The following HDAC9 variants were observed in gnomAD, a reference collection of about 807,000 sequenced individuals.
The protein encoded by HDAC9 is histone deacetylase 9.
HDAC9 carries 41 observed loss-of-function variants against 139.4 expected under a neutral mutation model. That is an observed-to-expected ratio of 0.29 (90% CI 0.23 to 0.38). The LOEUF is 0.38. Among genes scored for constraint, HDAC9 ranks in the 10% least tolerant of loss-of-function variants. The pLI is 1.00. For missense variants in HDAC9, 1,147 were observed against 1,297.0 expected (o/e 0.88, Z 1.78); for synonymous variants, 517 against 476.2 (o/e 1.09, Z -1.12).
At chr7:18,702,957 T>C (rs1240349983) in intron 12 of HDAC9, among the ~76,000 whole-genome samples, 1 of 152,242 alleles carries the variant, frequency 6.6e-6, no homozygotes, top group Non-Finnish European at 1.5e-5. Flanking sequence ...TCCATTTGAA[T>C]GACAATTGTG....
intron 1 of HDAC9, among the ~76,000 whole-genome samples, chr7:18,471,909 GA>G (rs913671691): frequency 0.012 from 1,773 of 149,280 alleles, 30 homozygotes; most frequent in African/African-American, 0.041. Flanking sequence ...GTGCCTTTAA[GA>G]AAAAAAAAAC....
intron 16 of HDAC9, among the ~76,000 whole-genome samples, chr7:18,779,263 C>G (rs926040628): frequency 6.6e-6 from 1 of 152,076 alleles, no homozygotes. Context: ...TTTCAAGACT[C>G]TCAGGGTTTC....
At chr7:18,969,465 C>G (rs961838687) in intron 24 of HDAC9, among the ~76,000 whole-genome samples, 6 of 152,136 alleles carry the variant, frequency 3.9e-5, no homozygotes, top group African/African-American at 1.4e-4. Context: ...ATGACAAAAT[C>G]CAATAGCCAA....
intron 2 of HDAC9, among the ~76,000 whole-genome samples, chr7:18,564,930 A>T (rs1399243150): frequency 6.6e-6 from 1 of 151,570 alleles, no homozygotes; most frequent in Non-Finnish European, 1.5e-5. Flanking sequence ...TCATATTTCA[A>T]ATGCCTAAGC....
intron 2 of HDAC9, among the ~76,000 whole-genome samples, chr7:18,236,715 T>A (rs1793842341): frequency 1.3e-5 from 2 of 152,078 alleles, no homozygotes; most frequent in Admixed American, 1.3e-4. Flanking sequence ...TTCATACACT[T>A]GGCCGAATTA....
At chr7:18,598,702 T>C (rs1833129355) in intron 6 of HDAC9, among the ~76,000 whole-genome samples, 1 of 152,234 alleles carries the variant, frequency 6.6e-6, no homozygotes, top group African/African-American at 2.4e-5. Context: ...TAAATCTCTT[T>C]TTGTTGTAGA....
At chr7:18,207,273 TTAATAA>T (rs1477200533) in intron 2 of HDAC9, among the ~76,000 whole-genome samples, 6 of 152,100 alleles carry the variant, frequency 3.9e-5, no homozygotes, top group South Asian at 4.1e-4. Context: ...CATGTTCAAC[TTAATAA>T]TAATAAAATG....
chr7:18,686,737 A>G (rs1190088068), intron 12 of HDAC9, among the ~76,000 whole-genome samples: 2 of 151,820 alleles, frequency 1.3e-5, no homozygotes, highest in Non-Finnish European at 2.9e-5. Flanking sequence ...ACATTTATAC[A>G]AAACTTTTTC....
chr7:18,361,857 T>C (rs1403253956), intron 1 of HDAC9, among the ~76,000 whole-genome samples: 2 of 152,214 alleles, frequency 1.3e-5, no homozygotes, highest in East Asian at 3.8e-4. Flanking sequence ...AACTAATTAC[T>C]GATACACTCA....
chr7:18,832,069 C>G (rs3852257), intron 19 of HDAC9, among the ~76,000 whole-genome samples: 2 of 151,990 alleles, frequency 1.3e-5, no homozygotes, highest in Admixed American at 1.3e-4. Context: ...ATGTTCCTTT[C>G]TGAGGCAGAT....
intron 2 of HDAC9, among the ~76,000 whole-genome samples, chr7:18,529,761 C>G (rs1808223207): frequency 6.6e-6 from 1 of 152,058 alleles, no homozygotes; most frequent in Non-Finnish European, 1.5e-5. Flanking sequence ...ATTGGATTCA[C>G]CAATGTTTAA....
At position 18,919,897 on chromosome 7, in the gene HDAC9, T is replaced by A. The variant is rs377729418; in HGVS notation, c.2804-15912T>A. Among the ~76,000 whole-genome samples, 46 of 152,254 alleles carry A rather than the reference T, an allele frequency of 3.0e-4. 1 individual carries two copies. In the South Asian group the frequency reaches 9.3e-3, roughly 31 times the overall value. On this transcript the variant is annotated intron_variant, in intron 22 of 25. Coordinates refer to ENST00000686413, the MANE Select transcript of HDAC9 (RefSeq NM_178425.4). ...CAGTACCATGCTGTTTTAGTTACTG[T>A]AGCCTTGTAGTATAGTTTGAAGTCA...
chr7:18,868,560 G>A (rs900750586), intron 21 of HDAC9, among the ~76,000 whole-genome samples: 3 of 152,146 alleles, frequency 2.0e-5, no homozygotes, highest in East Asian at 3.8e-4. Context: ...CCTCAGTGGA[G>A]TATATGGTGT....
chr7:18,503,859 A>G (rs762131623), intron 2 of HDAC9, among the ~76,000 whole-genome samples: 1 of 152,198 alleles, frequency 6.6e-6, no homozygotes, highest in African/African-American at 2.4e-5. Context: ...TGCTTGAGGT[A>G]CATTTTGGTG....
At chr7:18,883,952 A>G (rs7782319) in intron 22 of HDAC9, among the ~76,000 whole-genome samples, 78,036 of 151,920 alleles carry the variant, frequency 0.51, 21,224 homozygotes, top group African/African-American at 0.71. Flanking sequence ...AGCTACAAAA[A>G]GGAAAAAATG....
At chr7:18,155,759 AC>A (rs1206804191) in intron 1 of HDAC9, among the ~76,000 whole-genome samples, 3 of 152,182 alleles carry the variant, frequency 2.0e-5, no homozygotes, top group African/African-American at 7.2e-5. Flanking sequence ...AAGTCAGCAA[AC>A]CTTTGGCAGT....
chr7:18,547,694 A>G (rs1815457534), intron 2 of HDAC9, among the ~76,000 whole-genome samples: 1 of 152,166 alleles, frequency 6.6e-6, no homozygotes, highest in Non-Finnish European at 1.5e-5. Context: ...AATGCTTCTC[A>G]AACCCTGCTT....
At chr7:18,731,257 TA>T (rs1186227838) in intron 13 of HDAC9, among the ~76,000 whole-genome samples, 5 of 152,092 alleles carry the variant, frequency 3.3e-5, no homozygotes, top group African/African-American at 9.6e-5. Context: ...ATTTTTTTTT[TA>T]AAATAAACTC....
At chr7:18,809,498 AAAAC>A (rs1322174665) in intron 17 of HDAC9, among the ~76,000 whole-genome samples, 3 of 152,062 alleles carry the variant, frequency 2.0e-5, no homozygotes, top group Non-Finnish European at 2.9e-5. Flanking sequence ...GGCAAAAACA[AAAAC>A]AAAATAACCT....
Sources: allele counts gnomAD v4.1 joint callset (sites outside exome capture counted in the v4.1 genomes callset), GRCh38; gene constraint gnomAD v4.1.1; transcripts MANE v1.5; gene names NCBI Gene and HGNC (gene_info 2026-07-23, HGNC 2026-07-21).